Variants in CHD3 observed in about 807,000 individuals in gnomAD.
CHD3 encodes chromodomain helicase DNA binding protein 3.
In CHD3, 52 loss-of-function variants were observed where a neutral mutation model predicts 248.9. That is an observed-to-expected ratio of 0.21 (90% CI 0.17 to 0.26). CHD3 has a LOEUF of 0.26. CHD3 is among the 10% of genes least tolerant of loss of function. The probability of loss-of-function intolerance (pLI) is 1.00; values close to 1 mark genes in which losing one functional copy is unlikely to be tolerated. For synonymous variants in CHD3, 985 were observed against 985.2 expected, an observed-to-expected ratio of 1.00 and a Z score of 0.00; for missense variants, 1,482 against 2,605.8, an observed-to-expected ratio of 0.57 and a Z score of 9.39.
upstream of CHD3, among the ~76,000 whole-genome samples, chr17:7,887,761 C>T (rs557802726): frequency 1.3e-5 from 2 of 152,370 alleles, no homozygotes; most frequent in East Asian, 3.9e-4. Context: ...CCGCCTCTCT[C>T]CTCCCTGCCT....
At position 7,910,356 on chromosome 17, in the gene CHD3, T is replaced by G; in HGVS notation, c.5591-72T>G. The stretch of plus-strand genomic sequence containing the variant: ...CCTGTATCTGTCCATCTGATGCCTC[T>G]CTTTTCCTGGCTCCATCTCTGTATT... On this transcript the variant is annotated intron_variant, in intron 37 of 39. Transcript: ENST00000330494. This position sits in a 1 kb window ranked among gnomAD's most constrained non-coding sequence, Gnocchi z 4.7. 6.3e-7 allele frequency: 1 copy of G among 1,596,148 alleles called. No individual in the cohort carries two copies. The highest frequency in any genetic ancestry group is 8.6e-7 in the Non-Finnish European group (1 of 1,163,962).
rs924528490 is a variant in CHD3, at chr17:7,905,817, A to G, written c.4225-39A>G. ...AGAAAGGACAAGACCTAAGAACCCT[A>G]GACATTTGTCGCCATTGCCTCCTTG... is the stretch of plus-strand genomic sequence containing the variant. On this transcript the variant is annotated intron_variant, in intron 27 of 39. Transcript: ENST00000330494. The surrounding 1 kb of genome is among the most constrained non-coding windows in gnomAD (Gnocchi z 5.8). The G allele has an allele frequency of 6.2e-7, 1 of 1,614,114 alleles. No homozygotes were observed. Among genetic ancestry groups the G allele is most frequent in the Non-Finnish European group, 8.5e-7 (1 of 1,179,994 alleles).
intron 4 of CHD3, among the ~76,000 whole-genome samples, chr17:7,892,818 G>A (rs545424519): frequency 6.6e-6 from 1 of 151,912 alleles, no homozygotes; most frequent in African/African-American, 2.4e-5. Context: ...TTAAAGACAG[G>A]GTCTCATTCT....
intron 7 of CHD3, 73 bp downstream of exon 7, chr17:7,894,338 C>T: frequency 1.3e-6 from 2 of 1,589,244 alleles, no homozygotes; most frequent in Non-Finnish European, 1.7e-6. Context: ...TTTGACTTCT[C>T]TCTTCAACCC....
Position 7,900,064 on chromosome 17 carries a change from G to C in CHD3, c.2682+31G>C. On this transcript the variant is annotated intron_variant, in intron 16 of 39. Transcript: ENST00000330494. The surrounding 1 kb of genome is among the most constrained non-coding windows in gnomAD (Gnocchi z 6.5). Reference sequence around the variant, plus strand: ...TGAGGTTTCCAGACCTAAAAAACTTGAAGTTGTGGACTTCCCACTTGCCTT... The same window carrying C: ...TGAGGTTTCCAGACCTAAAAAACTTCAAGTTGTGGACTTCCCACTTGCCTT... 1 of 1,581,880 alleles carries C rather than the reference G, an allele frequency of 6.3e-7. No homozygotes were observed. Among genetic ancestry groups the C allele is most frequent in the Non-Finnish European group, 8.6e-7 (1 of 1,160,942 alleles).
upstream of CHD3, among the ~76,000 whole-genome samples, chr17:7,887,679 G>A (rs1375911173): frequency 3.3e-5 from 5 of 152,070 alleles, no homozygotes; most frequent in African/African-American, 4.8e-5. Context: ...GGGGCGGGCG[G>A]GAGGCGAGGC....
chr17:7,911,404 ATGAAG>A lies in CHD3; in HGVS notation c.5882-56_5882-52del, dbSNP rs548066850. 2.3e-4 allele frequency: 375 copies of A among 1,613,080 alleles called. 4 individuals carry two copies. In the East Asian group the frequency reaches 7.8e-3, roughly 34 times the overall value. The stretch of plus-strand genomic sequence containing the variant: ...CTAGAAGTGAGAATTCACCATTGTC[ATGAAG>A]TGACGTTTGAGAGTGATCTGGAGAT... On this transcript the variant is annotated intron_variant, in intron 39 of 39. Transcript: ENST00000330494. This position sits in a 1 kb window ranked among gnomAD's most constrained non-coding sequence, Gnocchi z 5.4.
Position 7,900,888 on chromosome 17 carries a change from G to A in CHD3, c.3015G>A (p.Glu1005=). 1.2e-6 allele frequency: 2 copies of A among 1,614,108 alleles called. No homozygotes were observed. Among genetic ancestry groups the A allele is most frequent in the Non-Finnish European group, 1.7e-6 (2 of 1,180,020 alleles). Reference sequence around the variant, plus strand: ...AATACATCCTGACTCGAAATTTTGAGGCCTTGAATTCACGAGGTGGTGGGA... The same window carrying A: ...AATACATCCTGACTCGAAATTTTGAAGCCTTGAATTCACGAGGTGGTGGGA... The part of the protein sequence containing the change: ...YYKYILTRNF[E]ALNSRGGGNQ... Residue 1005 remains glutamate, a synonymous_variant, in exon 19 of 40, where the codon GAG becomes GAA. Transcript: ENST00000330494. The surrounding 1 kb of genome is among the most constrained non-coding windows in gnomAD (Gnocchi z 6.5).
At chr17:7,888,106 G>A (rs1303336917), upstream of CHD3, among the ~76,000 whole-genome samples, 2 of 152,216 alleles carry the variant, frequency 1.3e-5, no homozygotes, top group Non-Finnish European at 2.9e-5. Flanking sequence ...GCCAGGGGGA[G>A]CCGGCTGCTG....
At position 7,889,083 on chromosome 17, in the gene CHD3, G is replaced by A. The variant is rs1345087266; in HGVS notation, c.83G>A (p.Trp28Ter). 6.2e-7 allele frequency: 1 copy of A among 1,614,224 alleles called. No individual in the cohort carries two copies. The highest frequency in any genetic ancestry group is 8.5e-7 in the Non-Finnish European group (1 of 1,180,026). The change falls in exon 1 of 40, where the codon TGG becomes TAG. Residue 28 changes from tryptophan (W) to a stop codon, truncating the protein, a stop_gained. Coordinates refer to ENST00000330494, the MANE Select transcript of CHD3 (RefSeq NM_001005273.3). LOFTEE classifies it high-confidence loss of function. The surrounding 1 kb of genome is among the most constrained non-coding windows in gnomAD (Gnocchi z 4.5). ...LRISFPPGLCWGDRMPDKDDI... is the reference protein window; with the variant it reads ...LRISFPPGLC The stretch of plus-strand genomic sequence containing the variant: ...ATTTCTTTTCCTCCAGGACTGTGTT[G>A]GGGTGACAGGATGCCTGGTAATTAT...
chr17:7,889,163 G>C lies in CHD3; in HGVS notation c.100+63G>C. On this transcript the variant is annotated intron_variant, in intron 1 of 39. Transcript: ENST00000330494. The surrounding 1 kb of genome is among the most constrained non-coding windows in gnomAD (Gnocchi z 4.5). ...TTGGCAAAAGGATGTCAGGGCCCCA[G>C]GGTGTTAGTGTGAGAACCCAGGTGT... is the stretch of plus-strand genomic sequence containing the variant. The C allele has an allele frequency of 6.2e-7, 1 of 1,604,584 alleles. No homozygotes were observed.
chr17:7,896,750 A>C (rs969934680), intron 10 of CHD3, among the ~76,000 whole-genome samples: 2 of 146,310 alleles, frequency 1.4e-5, no homozygotes, highest in African/African-American at 5.1e-5. Flanking sequence ...CCTCCGCCTC[A>C]TGCATTCAAG....
chr17:7,884,935 T>C (rs1396427991), upstream of CHD3: 11 of 1,348,518 alleles, frequency 8.2e-6, no homozygotes, highest in Non-Finnish European at 1.1e-5. Flanking sequence ...ACGAGGACGA[T>C]GAGGAGGACG....
At chr17:7,885,108 C>T (rs1439501252), upstream of CHD3, 6 of 982,362 alleles carry the variant, frequency 6.1e-6, no homozygotes, top group Non-Finnish European at 6.0e-6. Context: ...CGACTCCCCC[C>T]CCAAGCCCGA....
At chr17:7,888,739 C>T (rs532681090), upstream of CHD3, 27 of 1,173,756 alleles carry the variant, frequency 2.3e-5, no homozygotes, top group East Asian at 6.4e-4. Flanking sequence ...TGCGCGCGTG[C>T]GCGCGCGTGC....
At position 7,897,052 on chromosome 17, in the gene CHD3, A is replaced by C; in HGVS notation, c.1708-31A>C. 6.3e-7 allele frequency: 1 copy of C among 1,582,418 alleles called. No individual in the cohort carries two copies. The highest frequency in any genetic ancestry group is 2.2e-5 in the East Asian group (1 of 44,716). ...GTTGTCCTCTGTGAGTGTCAGGACT[A>C]TCTCTTTCCCTTTTTTCTGTGCCCT... On this transcript the variant is annotated intron_variant, in intron 10 of 39. Coordinates refer to ENST00000330494, the MANE Select transcript of CHD3 (RefSeq NM_001005273.3). This position sits in a 1 kb window ranked among gnomAD's most constrained non-coding sequence, Gnocchi z 4.8.
rs764580161 is a variant in CHD3, at chr17:7,898,450, A to G, written c.2052-46A>G. The G allele has an allele frequency of 2.2e-5, 30 of 1,381,362 alleles. No individual in the cohort carries two copies. In the South Asian group the frequency reaches 3.4e-4, roughly 16 times the overall value. 85.6% of individuals were successfully genotyped at this position (1,381,362 alleles called of 1,614,324 possible). On this transcript the variant is annotated intron_variant, in intron 12 of 39. Coordinates refer to ENST00000330494, the MANE Select transcript of CHD3 (RefSeq NM_001005273.3). The stretch of plus-strand genomic sequence containing the variant: ...GGAATGGGTTCAGAAAAGAAAGCGT[A>G]GGACTCCCAAGGATGAGGCCTCATT...
rs1286542965 is a variant in CHD3, at chr17:7,899,363, C to T, written c.2364C>T (p.Phe788=). 2 of 1,614,030 alleles carry T rather than the reference C, an allele frequency of 1.2e-6. No homozygotes were observed. Among genetic ancestry groups the T allele is most frequent in the Admixed American group, 1.7e-5 (1 of 60,000 alleles). The change falls in exon 15 of 40, where the codon TTC becomes TTT. Residue 788 remains phenylalanine, a synonymous_variant. Coordinates refer to ENST00000330494, the MANE Select transcript of CHD3 (RefSeq NM_001005273.3). This position sits in a 1 kb window ranked among gnomAD's most constrained non-coding sequence, Gnocchi z 6.8. The part of the protein sequence containing the change: ...LYKEGHTKGP[F]LVSAPLSTII... ...CCCAGGGCCACACAAAAGGTCCCTT[C>T]CTGGTGAGTGCCCCACTCTCTACCA...
In CHD3 at chr17:7,901,020, C is replaced by G. The variant is rs756901424; in HGVS notation, c.3120+27C>G. On this transcript the variant is annotated intron_variant, in intron 19 of 39. Transcript: ENST00000330494. ...TAGATACACAGAGCAGGGAGCTGAT[C>G]GAACGCCCATTCTCAGAAAACATGG... 25 of 1,603,590 alleles carry G rather than the reference C, an allele frequency of 1.6e-5. 2 individuals carry two copies. The South Asian group carries it at 2.7e-4, about 17-fold the overall frequency.
Sources: gnomAD v4.1 joint callset for allele counts (sites outside exome capture counted in the v4.1 genomes callset) on GRCh38, gnomAD v4.1.1 for gene constraint, Gnocchi (gnomAD v3.1) non-coding constraint, MANE v1.5 for transcripts, NCBI Gene and HGNC (gene_info 2026-07-23, HGNC 2026-07-21) for gene names.